The following TRAPPC12 variants were observed in gnomAD, a reference collection of about 807,000 sequenced individuals.
TRAPPC12 encodes the protein trafficking protein particle complex subunit 12, also known as TPR repeat protein 15.
A neutral mutation model predicts 69.2 loss-of-function variants in TRAPPC12; 61 were observed. The observed-to-expected ratio is 0.88, with a 90% CI of 0.72 to 1.09. The LOEUF is 1.09. Among genes scored for constraint, TRAPPC12 ranks in the 50% least tolerant of loss-of-function variants. TRAPPC12 has a pLI of 0.00. For missense variants in TRAPPC12, 1,101 were observed against 1,016.4 expected (o/e 1.08, Z -1.13); for synonymous variants, 469 against 438.9 (o/e 1.07, Z -0.86).
At chr2:3,420,960 G>A (rs1257991538) in intron 3 of TRAPPC12, among the ~76,000 whole-genome samples, 2 of 152,132 alleles carry the variant, frequency 1.3e-5, no homozygotes, top group Non-Finnish European at 2.9e-5. Flanking sequence ...TTGTTTAATT[G>A]TCTGTCTCCC....
intron 8 of TRAPPC12, among the ~76,000 whole-genome samples, chr2:3,461,969 G>A (rs1005623638): frequency 2.0e-5 from 3 of 152,236 alleles, no homozygotes; most frequent in Non-Finnish European, 4.4e-5. Flanking sequence ...GGCGGTCTGG[G>A]CGGTCCGCAG....
At chr2:3,456,726 A>C in intron 6 of TRAPPC12, 1 of 214,358 alleles carries the variant, frequency 4.7e-6, no homozygotes, top group Admixed American at 5.4e-5. Context: ...CCACAGGCGC[A>C]CACCACCATG....
At chr2:3,462,467 T>G (rs1014762840) in intron 8 of TRAPPC12, among the ~76,000 whole-genome samples, 5 of 152,226 alleles carry the variant, frequency 3.3e-5, no homozygotes, top group African/African-American at 9.6e-5. Flanking sequence ...GTGTGTGATC[T>G]TAATAATATG....
chr2:3,461,970 C>T lies in TRAPPC12; in HGVS notation c.1677+1634C>T, dbSNP rs146874209. On this transcript the variant is annotated intron_variant, in intron 8 of 11. Coordinates refer to ENST00000324266, the MANE Select transcript of TRAPPC12 (RefSeq NM_016030.6). ...TGACACCCCCACCTGGCGGTCTGGGCGGTCCGCAGTAGGCCTCCACCTGCT... is the reference window on the plus strand; with the variant it reads ...TGACACCCCCACCTGGCGGTCTGGGTGGTCCGCAGTAGGCCTCCACCTGCT... Among the ~76,000 whole-genome samples, 788 of 152,368 alleles carry T rather than the reference C, an allele frequency of 5.2e-3. 4 individuals are homozygous for T. The highest frequency in any genetic ancestry group is 8.0e-3 in the Non-Finnish European group (544 of 68,024).
intron 2 of TRAPPC12, among the ~76,000 whole-genome samples, chr2:3,398,039 C>G (rs1462958292): frequency 6.6e-6 from 1 of 152,208 alleles, no homozygotes; most frequent in Admixed American, 6.5e-5. Flanking sequence ...TTGTTCACAT[C>G]AAGACAGTCC....
At chr2:3,422,131 A>G in intron 4 of TRAPPC12, 137 bp downstream of exon 4, 1 of 720,236 alleles carries the variant, frequency 1.4e-6, no homozygotes, top group Non-Finnish European at 2.3e-6. Context: ...ATTATATTGT[A>G]TATACTATAC....
At chr2:3,420,807 T>A (rs938487729) in intron 3 of TRAPPC12, among the ~76,000 whole-genome samples, 1 of 151,840 alleles carries the variant, frequency 6.6e-6, no homozygotes, top group African/African-American at 2.4e-5. Flanking sequence ...GGAAAGGGAG[T>A]AGTGCGTGTG....
intron 8 of TRAPPC12, among the ~76,000 whole-genome samples, chr2:3,465,259 GAGTT>G (rs1320211247): frequency 8.5e-5 from 13 of 152,254 alleles, no homozygotes; most frequent in South Asian, 6.2e-4. Context: ...TCAGGAAAGA[GAGTT>G]AGGTGCAGTC....
chr2:3,424,179 T>G (rs1572138466), intron 4 of TRAPPC12, among the ~76,000 whole-genome samples: 2 of 152,192 alleles, frequency 1.3e-5, no homozygotes, highest in Non-Finnish European at 1.5e-5. Context: ...ACTTATTGAG[T>G]AAACAATTAT....
rs528930577 is a variant in TRAPPC12, at chr2:3,395,834, A to G, written c.1048-5943A>G. On this transcript the variant is annotated intron_variant, in intron 2 of 11. Transcript: ENST00000324266. ...AACCTCCACCTCCCAGGCTCAAGCA[A>G]TTCCCCTGCCTCAGCCTCCTGAGTA... is the stretch of plus-strand genomic sequence containing the variant. 6.6e-5 allele frequency among the ~76,000 whole-genome samples: 10 copies of G among 152,116 alleles called. No individual in the cohort carries two copies. The East Asian group carries it at 1.9e-3, about 29-fold the overall frequency.
chr2:3,462,418 C>G (rs1665555153), intron 8 of TRAPPC12, among the ~76,000 whole-genome samples: 1 of 152,126 alleles, frequency 6.6e-6, no homozygotes, highest in Non-Finnish European at 1.5e-5. Flanking sequence ...AGCATATGCA[C>G]TCTCTTGCCA....
intron 6 of TRAPPC12, among the ~76,000 whole-genome samples, chr2:3,444,251 C>T (rs1176706190): frequency 6.6e-6 from 1 of 152,242 alleles, no homozygotes; most frequent in Non-Finnish European, 1.5e-5. Context: ...CTGCCACGTG[C>T]AGACAGAGGT....
At chr2:3,418,103 A>G (rs1228953551) in intron 3 of TRAPPC12, among the ~76,000 whole-genome samples, 1 of 21,442 alleles carries the variant, frequency 4.7e-5, no homozygotes, top group Non-Finnish European at 8.9e-5. Flanking sequence ...CTGTAATCCC[A>G]TAATCCCAGC....
chr2:3,391,886 G>A (rs977481935), intron 2 of TRAPPC12, among the ~76,000 whole-genome samples: 6 of 152,008 alleles, frequency 3.9e-5, no homozygotes, highest in East Asian at 1.9e-4. Flanking sequence ...ACATCTGTGG[G>A]TCTGGCCTTT....
intron 4 of TRAPPC12, among the ~76,000 whole-genome samples, chr2:3,423,967 T>C (rs1662960260): frequency 1.3e-5 from 2 of 152,160 alleles, no homozygotes; most frequent in Admixed American, 1.3e-4. Flanking sequence ...GACCCTTCCT[T>C]AGCCTGTGGC....
At chr2:3,402,044 A>T (rs1236729951) in intron 3 of TRAPPC12, 151 bp downstream of exon 3, 4 of 575,718 alleles carry the variant, frequency 6.9e-6, no homozygotes, top group Non-Finnish European at 1.2e-5. Context: ...AGTCCTGTGC[A>T]CCAAAAAGCA....
At chr2:3,401,152 C>T (rs979652478) in intron 2 of TRAPPC12, among the ~76,000 whole-genome samples, 1 of 152,214 alleles carries the variant, frequency 6.6e-6, no homozygotes, top group Non-Finnish European at 1.5e-5. Flanking sequence ...CCTGGCTCAG[C>T]GAGGCTACCG....
intron 1 of TRAPPC12, among the ~76,000 whole-genome samples, chr2:3,383,878 T>TG: frequency 6.3e-5 from 1 of 15,998 alleles, no homozygotes; most frequent in African/African-American, 6.0e-4. Flanking sequence ...CTTGTTTTTT[T>TG]TTTTTTTTTT....
chr2:3,466,513 G>A, intron 9 of TRAPPC12: 1 of 404,952 alleles, frequency 2.5e-6, no homozygotes, highest in Non-Finnish European at 5.2e-6. Context: ...CATAGATAAT[G>A]GGGAAGCTAG....
Sources: allele counts gnomAD v4.1 joint callset (sites outside exome capture counted in the v4.1 genomes callset), GRCh38; gene constraint gnomAD v4.1.1; transcripts MANE v1.5; gene names NCBI Gene and HGNC (gene_info 2026-07-23, HGNC 2026-07-21).